CACNA1A: variants seen among roughly 807,000 people sequenced by gnomAD.
CACNA1A encodes the protein voltage-dependent P/Q-type calcium channel subunit alpha-1A.
In CACNA1A, 57 loss-of-function variants were observed where a neutral mutation model predicts 262.4. That is an observed-to-expected ratio of 0.22 (90% CI 0.18 to 0.27). The LOEUF (loss-of-function observed/expected upper bound fraction) is 0.27. Among genes scored for constraint, CACNA1A ranks in the 10% least tolerant of loss-of-function variants. CACNA1A has a pLI of 1.00. For missense variants in CACNA1A, 2,526 were observed against 3,562.8 expected, an observed-to-expected ratio of 0.71 and a Z score of 7.41; for synonymous variants, 1,431 against 1,419.3, an observed-to-expected ratio of 1.01 and a Z score of -0.18.
chr19:13,224,498 A>C (rs971840050), intron 38 of CACNA1A, among the ~76,000 whole-genome samples, 169 bp downstream of exon 38: 2 of 151,726 alleles, frequency 1.3e-5, no homozygotes, highest in Admixed American at 6.6e-5. Flanking sequence ...AAAAAAAAAA[A>C]AAAAAAACAC....
At chr19:13,391,337 A>G (rs2059707353) in intron 3 of CACNA1A, among the ~76,000 whole-genome samples, 1 of 152,070 alleles carries the variant, frequency 6.6e-6, no homozygotes, top group Non-Finnish European at 1.5e-5. Flanking sequence ...CCTTTAATGT[A>G]AAGTTCTCCC....
chr19:13,259,764 G>A, intron 26 of CACNA1A, 63 bp from the exon 27 acceptor site: 1 of 1,569,800 alleles, frequency 6.4e-7, no homozygotes, highest in South Asian at 1.2e-5. Flanking sequence ...ACTTGTCTTT[G>A]GTTATCAGAG....
rs182432054 is a variant in CACNA1A, at chr19:13,327,666, C to T, written c.1345+2578G>A. ...TCAGCTCACTGCAGCCTCCGCCTCC[C>T]GGGTTCAAGTGATTTTGTGCCTCAG... is the stretch of plus-strand genomic sequence containing the variant. On this transcript the variant is annotated intron_variant, in intron 10 of 46. Coordinates refer to ENST00000360228, the MANE Select transcript of CACNA1A (RefSeq NM_001127222.2). Among the ~76,000 whole-genome samples, 8 of 151,798 alleles carry T rather than the reference C, an allele frequency of 5.3e-5. No homozygotes were observed. The East Asian group carries it at 9.7e-4, about 18-fold the overall frequency.
Position 13,506,405 on chromosome 19 carries a change from C to G in CACNA1A, c.-181G>C. Reference sequence around the variant, plus strand: ...GCGGCGGCGGCTCGGCGCCTCGGGTCGGGGGCTCAGAAGGCGGCTGCCCGG... The same window carrying G: ...GCGGCGGCGGCTCGGCGCCTCGGGTGGGGGGCTCAGAAGGCGGCTGCCCGG... On this transcript the variant is annotated 5_prime_UTR_variant, in exon 1 of 47. Coordinates refer to ENST00000360228, the MANE Select transcript of CACNA1A (RefSeq NM_001127222.2). 2.5e-6 allele frequency: 1 copy of G among 406,468 alleles called. No individual in the cohort carries two copies. The highest frequency in any genetic ancestry group is 4.1e-6 in the Non-Finnish European group (1 of 244,526). The allele number at this position is 406,468 out of a possible 1,614,324, so 25.2% of individuals were successfully genotyped here.
At chr19:13,267,264 A>G (rs1052619074) in intron 24 of CACNA1A, among the ~76,000 whole-genome samples, 2 of 152,164 alleles carry the variant, frequency 1.3e-5, no homozygotes, top group African/African-American at 4.8e-5. Flanking sequence ...CAGAACACGC[A>G]CGTACACACA....
At chr19:13,402,914 A>G (rs1009109178) in intron 3 of CACNA1A, among the ~76,000 whole-genome samples, 1 of 127,478 alleles carries the variant, frequency 7.8e-6, no homozygotes, top group Admixed American at 8.2e-5. Context: ...ATATATATAT[A>G]TACTTGCAAG....
chr19:13,268,429 T>C (rs1021422648), intron 24 of CACNA1A, among the ~76,000 whole-genome samples: 2 of 135,888 alleles, frequency 1.5e-5, no homozygotes, highest in Non-Finnish European at 3.1e-5. Flanking sequence ...CTCTGGAAGT[T>C]AGTGATTTTT....
At chr19:13,224,828 C>G (rs149917710) in intron 37 of CACNA1A, 56 bp from the exon 38 acceptor site, 1 of 1,311,164 alleles carries the variant, frequency 7.6e-7, no homozygotes, top group East Asian at 2.5e-5. Context: ...CTGGGTCTCC[C>G]GTGAGCCGCG....
chr19:13,240,254 T>C (rs919687180), intron 31 of CACNA1A, among the ~76,000 whole-genome samples: 1 of 151,842 alleles, frequency 6.6e-6, no homozygotes, highest in Non-Finnish European at 1.5e-5. Flanking sequence ...GCAGTGACTG[T>C]GTGTTCAGTG....
At chr19:13,299,863 G>C (rs1348846253) in intron 18 of CACNA1A, among the ~76,000 whole-genome samples, 2 of 152,142 alleles carry the variant, frequency 1.3e-5, no homozygotes, top group Non-Finnish European at 2.9e-5. Context: ...ACAGACCTAG[G>C]TGTGGGGGGT....
chr19:13,370,249 C>T (rs913741093), intron 4 of CACNA1A, among the ~76,000 whole-genome samples: 8 of 151,778 alleles, frequency 5.3e-5, no homozygotes, highest in African/African-American at 9.7e-5. Flanking sequence ...TATAGATGCC[C>T]GCCACCACGC....
chr19:13,500,682 G>C (rs534379433), intron 1 of CACNA1A, among the ~76,000 whole-genome samples: 6 of 152,200 alleles, frequency 3.9e-5, no homozygotes, highest in Non-Finnish European at 7.4e-5. Context: ...TCTCACTCCT[G>C]GGTTAATTTA....
At chr19:13,394,770 A>T in intron 3 of CACNA1A, among the ~76,000 whole-genome samples, 1 of 152,166 alleles carries the variant, frequency 6.6e-6, no homozygotes, top group East Asian at 1.9e-4. Context: ...CGAAGCAGCC[A>T]CAGAAGCAAA....
chr19:13,408,848 G>A (rs10425859), intron 3 of CACNA1A, among the ~76,000 whole-genome samples: 39,492 of 152,164 alleles, frequency 0.26, 9,963 homozygotes, highest in African/African-American at 0.64. Flanking sequence ...GGTTTGAAGG[G>A]TTCCTGGTGA....
At chr19:13,457,793 C>T (rs929435115) in intron 1 of CACNA1A, among the ~76,000 whole-genome samples, 5 of 145,900 alleles carry the variant, frequency 3.4e-5, no homozygotes, top group African/African-American at 1.3e-4. Flanking sequence ...GCGGAGGTTG[C>T]AGTGAGCCAA....
At chr19:13,288,147 A>G (rs1214264559) in intron 19 of CACNA1A, among the ~76,000 whole-genome samples, 1 of 152,114 alleles carries the variant, frequency 6.6e-6, no homozygotes, top group Non-Finnish European at 1.5e-5. Flanking sequence ...ACTGCCTAGT[A>G]CAGGGCCTCT....
intron 8 of CACNA1A, 31 bp downstream of exon 8, chr19:13,334,347 A>G: frequency 8.7e-7 from 1 of 1,155,636 alleles, no homozygotes; most frequent in Non-Finnish European, 1.3e-6. Flanking sequence ...TGGGATCTCC[A>G]TCCCTGGGCC....
rs910192429 is a variant in CACNA1A, at chr19:13,335,677, G to A, written c.1082+129C>T. ...TGCATGGCTTGCTAATAACAGTCTG[G>A]TAACCCAAACAAGGGAAGAAGCCTT... is the stretch of plus-strand genomic sequence containing the variant. On this transcript the variant is annotated intron_variant, in intron 7 of 46. Transcript: ENST00000360228. 1.7e-5 allele frequency: 12 copies of A among 696,392 alleles called. No homozygotes were observed. In the South Asian group the frequency reaches 2.0e-4, roughly 12 times the overall value. The allele number at this position is 696,392 out of a possible 1,614,324, so 43.1% of individuals were successfully genotyped here.
intron 38 of CACNA1A, among the ~76,000 whole-genome samples, chr19:13,218,006 C>T (rs1234442625): frequency 6.7e-6 from 1 of 148,676 alleles, no homozygotes; most frequent in Non-Finnish European, 1.5e-5. Context: ...GAACTCCTGG[C>T]CTCAAACGAT....
Sources: allele counts gnomAD v4.1 joint callset (sites outside exome capture counted in the v4.1 genomes callset), GRCh38; gene constraint gnomAD v4.1.1; transcripts MANE v1.5; gene names NCBI Gene and HGNC (gene_info 2026-07-23, HGNC 2026-07-21).